CKLF: variants seen among roughly 807,000 people sequenced by gnomAD.
The protein encoded by CKLF is chemokine like factor, also known as chemokine-like factor.
CKLF carries 16 observed loss-of-function variants against 12.9 expected under a neutral mutation model. That is an observed-to-expected ratio of 1.24 (90% confidence interval 0.84 to 1.88). CKLF has a LOEUF of 1.88. Among genes scored for constraint, CKLF ranks in the 40% most tolerant of loss-of-function variants. The pLI is 0.00. For missense variants in CKLF, 172 were observed against 188.5 expected (o/e 0.91, Z 0.51); for synonymous variants, 61 against 69.0 (o/e 0.88, Z 0.57).
Position 66,558,310 on chromosome 16 carries a change from C to A in CKLF, c.199C>A (p.Leu67Ile). ...LFFILLYVLRLDRLMKWLFWP... is the reference protein window; with the variant it reads ...LFFILLYVLRIDRLMKWLFWP... ...TTTCATACTTTTATATGTACTCAGACTTGATCGATTAATGAAGTGGTTATT... is the reference window on the plus strand; with the variant it reads ...TTTCATACTTTTATATGTACTCAGAATTGATCGATTAATGAAGTGGTTATT... Residue 67 changes from leucine (L) to isoleucine (I), a missense_variant, in exon 2 of 4, where the codon CTT becomes ATT. Transcript: ENST00000264001. 1.9e-6 allele frequency: 3 copies of A among 1,610,214 alleles called. No individual in the cohort carries two copies. Among genetic ancestry groups the A allele is most frequent in the Non-Finnish European group, 2.5e-6 (3 of 1,179,234 alleles).
intron 3 of CKLF, among the ~76,000 whole-genome samples, chr16:66,563,953 A>G (rs1243766910): frequency 6.6e-6 from 1 of 152,238 alleles, no homozygotes; most frequent in Non-Finnish European, 1.5e-5. Context: ...CTTTCATAGT[A>G]TGGGTCACTT....
At chr16:66,558,529 G>C (rs2011540713) in intron 2 of CKLF, 181 bp downstream of exon 2, 2 of 763,798 alleles carry the variant, frequency 2.6e-6, no homozygotes, top group Non-Finnish European at 2.0e-6. Context: ...CAAGGATGCA[G>C]GGCAGCCACA....
intron 1 of CKLF, among the ~76,000 whole-genome samples, chr16:66,555,079 CA>C (rs1333692786): frequency 6.6e-6 from 1 of 151,766 alleles, no homozygotes; most frequent in East Asian, 1.9e-4. Flanking sequence ...ACTAAAAATA[CA>C]AAAAAAATTA....
intron 1 of CKLF, among the ~76,000 whole-genome samples, chr16:66,554,087 T>A (rs1477970570): frequency 2.6e-5 from 4 of 152,180 alleles, no homozygotes; most frequent in Admixed American, 6.5e-5. Context: ...GTGAGAATGG[T>A]CCTGTGAGAA....
rs3785086 is a variant in CKLF at position 66,555,791 on chromosome 16, C to T, written c.79-2399C>T. Among the ~76,000 whole-genome samples, 756 of 152,160 alleles carry T rather than the reference C, an allele frequency of 5.0e-3. 20 individuals are homozygous for T. Among genetic ancestry groups the T allele is most frequent in the East Asian group, 0.037 (189 of 5,172 alleles). ...TCATCATGATAGTTCATGGAAAAGACGATGAAAGGCAGTAGTTGTAAGGAT... is the reference window on the plus strand; with the variant it reads ...TCATCATGATAGTTCATGGAAAAGATGATGAAAGGCAGTAGTTGTAAGGAT... On this transcript the variant is annotated intron_variant, in intron 1 of 3. Coordinates refer to ENST00000264001, the MANE Select transcript of CKLF (RefSeq NM_016951.4).
chr16:66,552,981 T>C (rs920605847), intron 1 of CKLF, among the ~76,000 whole-genome samples, 188 bp downstream of exon 1: 2 of 152,218 alleles, frequency 1.3e-5, no homozygotes, highest in East Asian at 3.9e-4. Flanking sequence ...TAGGAGGGTT[T>C]AGGGACACAC....
At position 66,558,193 on chromosome 16, in the gene CKLF, C is replaced by T. The variant is rs1282017628; in HGVS notation, c.82C>T (p.Leu28=). ...ATCGTGGGTTTTTTTCTTCTAGGCA[C>T]TAACTGTGACATCTATGACCTTTTT... ...KGHVKMLRLA[L]TVTSMTFFII... is the part of the protein sequence containing the mutation. Residue 28 remains leucine (L), a synonymous_variant, in exon 2 of 4, where the codon CTA becomes TTA. Coordinates refer to ENST00000264001, the MANE Select transcript of CKLF (RefSeq NM_016951.4). 1.2e-6 allele frequency: 2 copies of T among 1,610,500 alleles called. No homozygotes were observed. The highest frequency in any genetic ancestry group is 4.5e-5 in the East Asian group (2 of 44,854).
At chr16:66,558,611 C>T (rs1035880649) in intron 2 of CKLF, 1 of 316,452 alleles carries the variant, frequency 3.2e-6, no homozygotes, top group Non-Finnish European at 5.7e-6. Flanking sequence ...TTGGATAGAT[C>T]TTCTAAAGAA....
At chr16:66,554,473 C>T (rs747378354) in intron 1 of CKLF, among the ~76,000 whole-genome samples, 2 of 152,174 alleles carry the variant, frequency 1.3e-5, no homozygotes, top group Non-Finnish European at 2.9e-5. Context: ...TGTGTAATGC[C>T]TGTCATGTGC....
At chr16:66,564,572 G>T (rs528910322) in intron 3 of CKLF, among the ~76,000 whole-genome samples, 11 of 151,216 alleles carry the variant, frequency 7.3e-5, no homozygotes, top group Non-Finnish European at 1.6e-4. Flanking sequence ...CCGGGTTCAC[G>T]CCATTCTCCT....
At chr16:66,564,377 T>C (rs1014067072) in intron 3 of CKLF, among the ~76,000 whole-genome samples, 3 of 152,222 alleles carry the variant, frequency 2.0e-5, no homozygotes, top group Non-Finnish European at 4.4e-5. Flanking sequence ...GAATGTAGAA[T>C]ATTTTGTTAA....
At chr16:66,566,116 G>A (rs778221553), downstream of CKLF, 2 of 1,610,492 alleles carry the variant, frequency 1.2e-6, no homozygotes, top group Non-Finnish European at 1.7e-6. This position sits in a 1 kb window ranked among gnomAD's most constrained non-coding sequence, Gnocchi z 4.9. Context: ...TAGAGGAAGA[G>A]ATTTCCGAAG....
intron 3 of CKLF, 65 bp from the exon 4 acceptor site, chr16:66,565,821 A>C: frequency 6.6e-7 from 1 of 1,526,106 alleles, no homozygotes; most frequent in Non-Finnish European, 9.1e-7. Context: ...AGACCACTTA[A>C]AACTTGTGTG....
At chr16:66,566,231 G>C (rs1567368012), downstream of CKLF, 2 of 1,484,352 alleles carry the variant, frequency 1.3e-6, no homozygotes, top group African/African-American at 2.8e-5. This position sits in a 1 kb window ranked among gnomAD's most constrained non-coding sequence, Gnocchi z 4.9. Context: ...AGAATGTGCC[G>C]GGATCCGCCT....
At position 66,563,267 on chromosome 16, in the gene CKLF, A is replaced by G. The variant is rs374750824; in HGVS notation, c.333+50A>G. ...TTTCTTCAGGTTTTATCAGAATGCAAATTTACTTGGAAAACAGATGTAAGA... is the reference window on the plus strand; with the variant it reads ...TTTCTTCAGGTTTTATCAGAATGCAGATTTACTTGGAAAACAGATGTAAGA... On this transcript the variant is annotated intron_variant, in intron 3 of 3. Coordinates refer to ENST00000264001, the MANE Select transcript of CKLF (RefSeq NM_016951.4). 62 of 1,596,946 alleles carry G rather than the reference A, an allele frequency of 3.9e-5. 1 individual carries two copies. The highest frequency in any genetic ancestry group is 4.7e-5 in the Non-Finnish European group (55 of 1,168,984).
intron 1 of CKLF, among the ~76,000 whole-genome samples, chr16:66,555,658 G>A (rs1332702770): frequency 6.6e-6 from 1 of 152,202 alleles, no homozygotes; most frequent in African/African-American, 2.4e-5. Flanking sequence ...CCAAATTGTG[G>A]AAGATCTTGA....
chr16:66,555,897 C>CAGTG (rs2011428445), intron 1 of CKLF, among the ~76,000 whole-genome samples: 1 of 152,108 alleles, frequency 6.6e-6, no homozygotes, highest in Admixed American at 6.6e-5. Context: ...TGGGTAGGAA[C>CAGTG]AGTGATCTTA....
At position 66,558,250 on chromosome 16, in the gene CKLF, G is replaced by A. The variant is rs550053000; in HGVS notation, c.139G>A (p.Val47Ile). 3 of 1,613,566 alleles carry A rather than the reference G, an allele frequency of 1.9e-6. No homozygotes were observed. Among genetic ancestry groups the A allele is most frequent in the Admixed American group, 3.3e-5 (2 of 59,916 alleles). Reference sequence around the variant, plus strand: ...CGCACAAGCCCCTGAACCATATATTGTTATCACTGGATTTGAAGTCACCGT... The same window carrying A: ...CGCACAAGCCCCTGAACCATATATTATTATCACTGGATTTGAAGTCACCGT... The part of the protein sequence containing the change: ...IIAQAPEPYI[V>I]ITGFEVTVIL... Residue 47 changes from valine (V) to isoleucine (I), a missense_variant, in exon 2 of 4, where the codon GTT (valine) becomes ATT (isoleucine). Val to Ile is a conservative substitution (Grantham distance 29). Coordinates refer to ENST00000264001, the MANE Select transcript of CKLF (RefSeq NM_016951.4).
chr16:66,563,114 G>GT lies in CKLF; in HGVS notation c.238-3dup, dbSNP rs2011862833. The GT allele has an allele frequency of 6.2e-7, 1 of 1,613,878 alleles. No individual in the cohort carries two copies. Among genetic ancestry groups the GT allele is most frequent in the East Asian group, 2.2e-5 (1 of 44,868 alleles). On this transcript the variant is annotated splice_polypyrimidine_tract_variant and splice_region_variant and intron_variant, in intron 2 of 3. Transcript: ENST00000264001. ...CATGTAAGGCTCAGCTTTATTGTGTGTTTTTAGGATATTATCAACTCACTG... is the reference window on the plus strand; with the variant it reads ...CATGTAAGGCTCAGCTTTATTGTGTGTTTTTTAGGATATTATCAACTCACTG...
Sources: allele counts gnomAD v4.1 joint callset (sites outside exome capture counted in the v4.1 genomes callset), GRCh38; gene constraint gnomAD v4.1.1; non-coding constraint Gnocchi (gnomAD v3.1); transcripts MANE v1.5; gene names NCBI Gene and HGNC (gene_info 2026-07-23, HGNC 2026-07-21).